HDAC4: variants seen among roughly 807,000 people sequenced by gnomAD.
HDAC4 encodes histone deacetylase 4, also known as histone deacetylase A.
A neutral mutation model predicts 135.1 loss-of-function variants in HDAC4; 16 were observed. The ratio of observed to expected loss-of-function variants is 0.12; its 90% CI spans 0.08 to 0.18. The LOEUF (loss-of-function observed/expected upper bound fraction) is 0.18. HDAC4 is among the 10% of genes least tolerant of loss of function. The pLI, the probability that HDAC4 is intolerant of heterozygous loss-of-function variation, is 1.00. For synonymous variants in HDAC4, 685 were observed against 653.4 expected (o/e 1.05, Z -0.74); for missense variants, 1,143 against 1,511.8 (o/e 0.76, Z 4.05).
intron 22 of HDAC4, among the ~76,000 whole-genome samples, chr2:239,073,015 C>T (rs964490585): frequency 2.0e-5 from 3 of 152,180 alleles, no homozygotes; most frequent in South Asian, 2.1e-4. Context: ...TGGTGCCCCG[C>T]GTCCCATGAG....
intron 16 of HDAC4, among the ~76,000 whole-genome samples, chr2:239,097,631 C>T (rs569248225): frequency 3.3e-5 from 5 of 152,378 alleles, no homozygotes; most frequent in African/African-American, 1.2e-4. Context: ...CGCCGGACCC[C>T]TTTGGGAGGT....
At position 239,208,400 on chromosome 2, in the gene HDAC4, T is replaced by G. The variant is rs186063068; in HGVS notation, c.95-18323A>C. Among the ~76,000 whole-genome samples the G allele has an allele frequency of 4.6e-4, 67 of 146,412 alleles. 1 individual carries two copies. In the East Asian group the frequency reaches 9.4e-3, roughly 21 times the overall value. ...TGTACAAACCACCTATAAATCCAAC[T>G]CACCGTTAATTATGATCATCTTCAG... On this transcript the variant is annotated intron_variant, in intron 3 of 26. Transcript: ENST00000543185.
intron 1 of HDAC4, among the ~76,000 whole-genome samples, chr2:239,358,921 T>C (rs1320733413): frequency 1.3e-5 from 2 of 152,226 alleles, no homozygotes; most frequent in Admixed American, 1.3e-4. Flanking sequence ...AAGACACTGG[T>C]TTCCAAAGTT....
At chr2:239,109,085 G>A (rs1336798956) in intron 14 of HDAC4, among the ~76,000 whole-genome samples, 12 of 152,194 alleles carry the variant, frequency 7.9e-5, no homozygotes, top group Admixed American at 2.6e-4. Context: ...GCTCTGCCCC[G>A]GCCCCTTCTC....
intron 3 of HDAC4, among the ~76,000 whole-genome samples, chr2:239,198,702 G>T (rs930114648): frequency 7.9e-5 from 12 of 152,184 alleles, no homozygotes; most frequent in African/African-American, 2.9e-4. Flanking sequence ...GCTGTCAGTT[G>T]CCAGGCTCTC....
In HDAC4 at chr2:239,307,804, G is replaced by C. The variant is rs955681536; in HGVS notation, c.22+44874C>G. Among the ~76,000 whole-genome samples, 2 of 152,152 alleles carry C rather than the reference G, an allele frequency of 1.3e-5. No individual in the cohort carries two copies. Among genetic ancestry groups the C allele is most frequent in the Non-Finnish European group, 2.9e-5 (2 of 68,030 alleles). ...GAGTGTTTCGTGCTTTCTTTCCAGAGGGTTTCCCAGCCTGAAACGCCACCC... is the reference window on the plus strand; with the variant it reads ...GAGTGTTTCGTGCTTTCTTTCCAGACGGTTTCCCAGCCTGAAACGCCACCC... On this transcript the variant is annotated intron_variant, in intron 2 of 26. Transcript: ENST00000543185. The surrounding 1 kb of genome is among the most constrained non-coding windows in gnomAD (Gnocchi z 4.8).
At chr2:239,239,430 C>G (rs1293964088) in intron 2 of HDAC4, among the ~76,000 whole-genome samples, 1 of 152,216 alleles carries the variant, frequency 6.6e-6, no homozygotes, top group Non-Finnish European at 1.5e-5. Context: ...GCTGAACATG[C>G]TGCTCCTCTC....
chr2:239,265,586 C>T (rs953944081), intron 2 of HDAC4, among the ~76,000 whole-genome samples: 1 of 152,186 alleles, frequency 6.6e-6, no homozygotes, highest in Non-Finnish European at 1.5e-5. Flanking sequence ...CCCTGACTCT[C>T]CTGCTCCGCA....
chr2:239,145,479 C>T (rs1186164584), intron 7 of HDAC4, among the ~76,000 whole-genome samples: 1 of 152,262 alleles, frequency 6.6e-6, no homozygotes, highest in African/African-American at 2.4e-5. Context: ...CATCTGGAAC[C>T]CAAACCTCCG....
chr2:239,077,257 C>T (rs2034855416), intron 22 of HDAC4, among the ~76,000 whole-genome samples: 1 of 152,280 alleles, frequency 6.6e-6, no homozygotes, highest in African/African-American at 2.4e-5. Flanking sequence ...AGCGGGTTTG[C>T]ACCATCGGGC....
chr2:239,250,893 C>T (rs192475390), intron 2 of HDAC4, among the ~76,000 whole-genome samples: 89 of 152,312 alleles, frequency 5.8e-4, no homozygotes, highest in African/African-American at 1.8e-3. Flanking sequence ...TCACCCTTGG[C>T]GGGATCCTCC....
chr2:239,111,495 AC>A, intron 14 of HDAC4, 30 bp downstream of exon 14: 2 of 1,599,664 alleles, frequency 1.3e-6, no homozygotes, highest in Non-Finnish European at 1.7e-6. Flanking sequence ...CCCGCGTTGC[AC>A]CCTCAGGCTG....
rs764029108 is a variant in HDAC4 at position 239,360,064 on chromosome 2, C to T, written c.-219-7146G>A. Among the ~76,000 whole-genome samples the T allele has an allele frequency of 9.4e-4, 143 of 152,218 alleles. 1 individual carries two copies. The highest frequency in any genetic ancestry group is 3.1e-4 in the Non-Finnish European group (21 of 68,022). On this transcript the variant is annotated intron_variant, in intron 1 of 26. Coordinates refer to ENST00000543185, the MANE Select transcript of HDAC4 (RefSeq NM_001378414.1). ...AACAGAGGAAGCTCCAGCGAGTGAA[C>T]GGGGTAGCTGGCAAAGCAGGTGGAG...
At chr2:239,090,358 A>T (rs995864687) in intron 17 of HDAC4, among the ~76,000 whole-genome samples, 37 of 151,900 alleles carry the variant, frequency 2.4e-4, no homozygotes, top group African/African-American at 8.7e-4. Context: ...ACCTGTTCTG[A>T]GGCATCCTCC....
In HDAC4 at chr2:239,349,314, G is replaced by A. The variant is rs188707640; in HGVS notation, c.22+3364C>T. 7.2e-5 allele frequency among the ~76,000 whole-genome samples: 11 copies of A among 152,320 alleles called. No individual in the cohort carries two copies. The highest frequency in any genetic ancestry group is 2.4e-4 in the African/African-American group (10 of 41,570). The stretch of plus-strand genomic sequence containing the variant: ...CCAGGACTCGGCTCCTCGGCTCAAG[G>A]AAAAGGGACAGCGGTTCCGTGGCTG... On this transcript the variant is annotated intron_variant, in intron 2 of 26. Coordinates refer to ENST00000543185, the MANE Select transcript of HDAC4 (RefSeq NM_001378414.1). This position sits in a 1 kb window ranked among gnomAD's most constrained non-coding sequence, Gnocchi z 5.7.
At chr2:239,092,216 G>GT (rs1377909555) in intron 17 of HDAC4, among the ~76,000 whole-genome samples, 1 of 150,934 alleles carries the variant, frequency 6.6e-6, no homozygotes, top group East Asian at 2.0e-4. Flanking sequence ...TCCAGTCTGG[G>GT]TAACAGACTG....
intron 1 of HDAC4, among the ~76,000 whole-genome samples, chr2:239,390,787 C>G (rs1313718678): frequency 6.6e-6 from 1 of 152,210 alleles, no homozygotes; most frequent in African/African-American, 2.4e-5. Context: ...AGCACCCAGC[C>G]ACGCAGCCTC....
chr2:239,188,201 G>A (rs965920096), intron 4 of HDAC4, among the ~76,000 whole-genome samples: 4 of 152,218 alleles, frequency 2.6e-5, no homozygotes, highest in Non-Finnish European at 5.9e-5. Context: ...GGGACATGGA[G>A]CTGTCCCTGA....
At chr2:239,120,402 G>GAC (rs912163549) in intron 12 of HDAC4, among the ~76,000 whole-genome samples, 23 of 68,270 alleles carry the variant, frequency 3.4e-4, no homozygotes, top group Non-Finnish European at 5.1e-4. Context: ...GACGCACACA[G>GAC]ACACACACAC....
Sources: gnomAD v4.1 joint callset for allele counts (sites outside exome capture counted in the v4.1 genomes callset) on GRCh38, gnomAD v4.1.1 for gene constraint, Gnocchi (gnomAD v3.1) non-coding constraint, MANE v1.5 for transcripts, NCBI Gene and HGNC (gene_info 2026-07-23, HGNC 2026-07-21) for gene names.